NXN: variants seen among roughly 807,000 people sequenced by gnomAD.
NXN encodes nucleoredoxin, also known as nucleoredoxin 1.
Under a neutral mutation model 48.6 loss-of-function variants are expected in NXN, and 16 were observed. The observed-to-expected ratio is 0.33, with a 90% CI of 0.22 to 0.50. The LOEUF (loss-of-function observed/expected upper bound fraction) is 0.50. Among genes scored for constraint, NXN ranks in the 20% least tolerant of loss-of-function variants. NXN has a pLI of 0.98. For synonymous variants in NXN, 281 were observed against 269.6 expected (o/e 1.04, Z -0.41); for missense variants, 492 against 605.5 (o/e 0.81, Z 1.97).
intron 1 of NXN, among the ~76,000 whole-genome samples, chr17:911,652 T>C (rs1208453643): frequency 1.3e-5 from 2 of 151,286 alleles, no homozygotes; most frequent in East Asian, 2.0e-4. Context: ...TTAGTAGAGA[T>C]GAGGTTTCTT....
At chr17:954,749 G>C (rs2069147422) in intron 1 of NXN, among the ~76,000 whole-genome samples, 1 of 152,208 alleles carries the variant, frequency 6.6e-6, no homozygotes, top group Admixed American at 6.5e-5. Flanking sequence ...ACAGGAAAAA[G>C]TACTGTGGCT....
intron 1 of NXN, among the ~76,000 whole-genome samples, chr17:840,940 T>C (rs1053793492): frequency 6.6e-6 from 1 of 152,296 alleles, no homozygotes; most frequent in African/African-American, 2.4e-5. Context: ...GGCCGCTGTG[T>C]TCTGGCAGCC....
At chr17:883,725 C>G (rs1446688953) in intron 1 of NXN, among the ~76,000 whole-genome samples, 1 of 152,228 alleles carries the variant, frequency 6.6e-6, no homozygotes, top group African/African-American at 2.4e-5. Flanking sequence ...CTTCAGGGGT[C>G]ATGGTGCCAC....
chr17:803,140 GAA>G (rs1359111649), intron 7 of NXN, among the ~76,000 whole-genome samples: 2 of 152,212 alleles, frequency 1.3e-5, no homozygotes, highest in African/African-American at 4.8e-5. Context: ...CCCACCCTGT[GAA>G]GAGTCTCCTG....
Position 844,106 on chromosome 17 carries a change from C to T in NXN, c.361-18028G>A, listed in dbSNP as rs1008066314. Among the ~76,000 whole-genome samples the T allele has an allele frequency of 4.7e-5, 7 of 150,252 alleles. No individual in the cohort carries two copies. The East Asian group carries it at 5.9e-4, about 13-fold the overall frequency. ...GTGGAGACCAGGCCATTCTACGTGC[C>T]GTCCTGCCTCTCCTTAACTGGAAGG... is the stretch of plus-strand genomic sequence containing the variant. On this transcript the variant is annotated intron_variant, in intron 1 of 7. Transcript: ENST00000336868.
intron 1 of NXN, among the ~76,000 whole-genome samples, chr17:852,004 G>A (rs188052060): frequency 1.3e-5 from 2 of 152,300 alleles, no homozygotes; most frequent in African/African-American, 2.4e-5. Context: ...GAAAAAGCAC[G>A]CTGTAGCTCA....
At chr17:928,751 G>A (rs913870889) in intron 1 of NXN, among the ~76,000 whole-genome samples, 27 of 152,192 alleles carry the variant, frequency 1.8e-4, no homozygotes, top group African/African-American at 6.3e-4. Context: ...AGGGAGAATC[G>A]CTTGAACCCG....
intron 1 of NXN, among the ~76,000 whole-genome samples, chr17:904,095 T>C (rs921661282): frequency 1.2e-4 from 19 of 152,214 alleles, no homozygotes; most frequent in Admixed American, 5.9e-4. Context: ...TCATGTAGAA[T>C]TCCTGCCAAG....
At chr17:940,496 A>G (rs1361959938) in intron 1 of NXN, among the ~76,000 whole-genome samples, 2 of 152,242 alleles carry the variant, frequency 1.3e-5, no homozygotes, top group African/African-American at 4.8e-5. Context: ...TCTGTTAAAA[A>G]TCAATTCCAC....
rs1344330558 is a variant in NXN, at chr17:814,370, C to T, written c.820+5069G>A. On this transcript the variant is annotated intron_variant, in intron 5 of 7. Coordinates refer to ENST00000336868, the MANE Select transcript of NXN (RefSeq NM_022463.5). Reference sequence around the variant, plus strand: ...CAGCAATACCGGCAACCCACGGGCCCTCACATCCAGGAAGGAACTCCGTAC... The same window carrying T: ...CAGCAATACCGGCAACCCACGGGCCTTCACATCCAGGAAGGAACTCCGTAC... Among the ~76,000 whole-genome samples the T allele has an allele frequency of 2.0e-5, 3 of 152,190 alleles. No individual in the cohort carries two copies. The South Asian group carries it at 6.2e-4, about 31-fold the overall frequency.
chr17:815,739 G>A (rs951930171), intron 5 of NXN, among the ~76,000 whole-genome samples: 33 of 152,362 alleles, frequency 2.2e-4, no homozygotes, highest in African/African-American at 7.7e-4. Flanking sequence ...CCTGTTATCT[G>A]TTTTATTCAA....
At chr17:910,763 A>T (rs1446765233) in intron 1 of NXN, 1 of 152,248 alleles carries the variant, frequency 6.6e-6, no homozygotes, top group Non-Finnish European at 1.5e-5. Flanking sequence ...CTTAATTTGC[A>T]GTCACCGGGG....
At position 800,956 on chromosome 17, in the gene NXN, G is replaced by A; in HGVS notation, c.1301C>T (p.Pro434Leu). 6.8e-7 allele frequency: 1 copy of A among 1,471,358 alleles called. No homozygotes were observed. 91.1% of individuals were successfully genotyped at this position (1,471,358 alleles called of 1,614,324 possible). A position where few individuals can be genotyped will look rare whatever the true frequency, so the allele number is the denominator to read the frequency against. ...DFLAEKLKPE[P>L]I ...CAGGAGGCCGGAGCCACGCTAGATG[G>A]GCTCCGGTTTGAGCTTCTCTGCTAG... Residue 434 changes from proline (P) to leucine (L), a missense_variant, in exon 8 of 8, where the codon CCC (proline) becomes CTC (leucine). By Grantham distance (98) the Pro-to-Leu change is moderately conservative (BLOSUM62 -3). This residue lies in a region of NXN where 303 missense variants were observed against 388.3 expected (regional missense o/e 0.78). Transcript: ENST00000336868.
intron 1 of NXN, among the ~76,000 whole-genome samples, chr17:923,151 C>T (rs988147206): frequency 3.9e-5 from 6 of 151,988 alleles, no homozygotes; most frequent in Non-Finnish European, 8.8e-5. Flanking sequence ...GGACCACCAC[C>T]TGGACGGCGC....
Position 956,928 on chromosome 17 carries a change from C to T in NXN, c.360+22391G>A, listed in dbSNP as rs1396543075. 6.6e-6 allele frequency among the ~76,000 whole-genome samples: 1 copy of T among 152,076 alleles called. No individual in the cohort carries two copies. The highest frequency in any genetic ancestry group is 1.5e-5 in the Non-Finnish European group (1 of 68,024). On this transcript the variant is annotated intron_variant, in intron 1 of 7. Coordinates refer to ENST00000336868, the MANE Select transcript of NXN (RefSeq NM_022463.5). This position sits in a 1 kb window ranked among gnomAD's most constrained non-coding sequence, Gnocchi z 4.1. Reference sequence around the variant, plus strand: ...CAGAGCTCCTGCGGGCAACTCCAGCCCTTTTAGAACCAATACCATGGTCAT... The same window carrying T: ...CAGAGCTCCTGCGGGCAACTCCAGCTCTTTTAGAACCAATACCATGGTCAT...
intron 5 of NXN, among the ~76,000 whole-genome samples, chr17:808,255 C>T (rs1401978307): frequency 6.6e-6 from 1 of 152,062 alleles, no homozygotes; most frequent in African/African-American, 2.4e-5. Context: ...TCTCCCCCTT[C>T]ACACACGCCC....
At chr17:815,624 CTG>C (rs1912429508) in intron 5 of NXN, among the ~76,000 whole-genome samples, 1 of 151,894 alleles carries the variant, frequency 6.6e-6, no homozygotes, top group Non-Finnish European at 1.5e-5. Context: ...TCCCTAAGCT[CTG>C]TAGGTTTTGA....
intron 1 of NXN, among the ~76,000 whole-genome samples, chr17:853,937 G>C (rs1597665254): frequency 6.6e-6 from 1 of 151,852 alleles, no homozygotes; most frequent in South Asian, 2.1e-4. Flanking sequence ...AGCCAGGATG[G>C]TCTTGATCTC....
intron 1 of NXN, among the ~76,000 whole-genome samples, chr17:878,937 G>T (rs1168768800): frequency 6.6e-6 from 1 of 152,118 alleles, no homozygotes; most frequent in Non-Finnish European, 1.5e-5. Context: ...GGCTGAGGTG[G>T]GTGGATCACC....
Sources: gnomAD v4.1 joint callset for allele counts (sites outside exome capture counted in the v4.1 genomes callset) on GRCh38, gnomAD v4.1.1 for gene constraint, gnomAD v4.1.1 regional missense constraint, Gnocchi (gnomAD v3.1) non-coding constraint, MANE v1.5 for transcripts, NCBI Gene and HGNC (gene_info 2026-07-23, HGNC 2026-07-21) for gene names.